Variants in ARMC8 observed in about 807,000 individuals in gnomAD.
The protein encoded by ARMC8 is armadillo repeat containing 8.
In ARMC8, 20 loss-of-function variants were observed where a neutral mutation model predicts 99.3. The observed-to-expected ratio is 0.20, with a 90% confidence interval of 0.14 to 0.29. The LOEUF is 0.29. Among genes scored for constraint, ARMC8 ranks in the 10% least tolerant of loss-of-function variants. The pLI, the probability that ARMC8 is intolerant of heterozygous loss-of-function variation, is 1.00. For synonymous variants in ARMC8, 263 were observed against 278.3 expected, an observed-to-expected ratio of 0.95 and a Z score of 0.55; for missense variants, 569 against 809.5, an observed-to-expected ratio of 0.70 and a Z score of 3.60.
Position 138,207,056 on chromosome 3 carries a change from GTTC to G in ARMC8, c.46-2758_46-2756del, listed in dbSNP as rs1382297341. ...ATCCTGCGGTGCCTCTCTATCCTCTGTTCTTTTCAGTGCCAGCAACTAGTATAC... is the reference window on the plus strand; with the variant it reads ...ATCCTGCGGTGCCTCTCTATCCTCTGTTTTCAGTGCCAGCAACTAGTATAC... On this transcript the variant is annotated intron_variant, in intron 1 of 21. Coordinates refer to ENST00000469044, the MANE Select transcript of ARMC8 (RefSeq NM_001363941.2). Among the ~76,000 whole-genome samples, 3 of 152,278 alleles carry G rather than the reference GTTC, an allele frequency of 2.0e-5. No individual in the cohort carries two copies. In the East Asian group the frequency reaches 5.8e-4, roughly 29 times the overall value.
intron 1 of ARMC8, among the ~76,000 whole-genome samples, chr3:138,192,684 G>A (rs914366496): frequency 2.0e-5 from 3 of 152,098 alleles, no homozygotes; most frequent in African/African-American, 7.2e-5. Context: ...CCAAGTAGCT[G>A]GGACTACAGG....
intron 6 of ARMC8, 24 bp downstream of exon 6, chr3:138,229,034 C>G: frequency 3.9e-6 from 6 of 1,546,550 alleles, no homozygotes; most frequent in Non-Finnish European, 5.3e-6. Flanking sequence ...TAAATGTTAT[C>G]TATAATGTAA....
rs554313750 is a variant in ARMC8 at position 138,292,220 on chromosome 3, A to G, written c.1988+1581A>G. On this transcript the variant is annotated intron_variant, in intron 21 of 21. Transcript: ENST00000469044. Reference sequence around the variant, plus strand: ...GCCCAGCTAATTTTTTTGTATTTTTAGTAGAGACAGGGTTTTACCATGTTG... The same window carrying G: ...GCCCAGCTAATTTTTTTGTATTTTTGGTAGAGACAGGGTTTTACCATGTTG... Among the ~76,000 whole-genome samples, 65 of 152,202 alleles carry G rather than the reference A, an allele frequency of 4.3e-4. 1 individual carries two copies. Among genetic ancestry groups the G allele is most frequent in the African/African-American group, 1.3e-3 (55 of 41,528 alleles).
At chr3:138,235,568 C>CT (rs2046288312) in intron 7 of ARMC8, among the ~76,000 whole-genome samples, 1 of 152,162 alleles carries the variant, frequency 6.6e-6, no homozygotes. Context: ...CCAGACTTAA[C>CT]TAATTACGTT....
At chr3:138,267,372 A>G (rs2048373251) in intron 15 of ARMC8, 131 bp downstream of exon 15, 1 of 561,270 alleles carries the variant, frequency 1.8e-6, no homozygotes, top group Non-Finnish European at 3.1e-6. Context: ...TTGATTGCAT[A>G]GCGGTAGGGG....
At position 138,290,600 on chromosome 3, in the gene ARMC8, A is replaced by G; in HGVS notation, c.1949A>G (p.His650Arg). Residue 650 changes from histidine (H) to arginine (R), a missense_variant, in exon 21 of 22, where the codon CAC becomes CGC. Physicochemically the swap from His to Arg is conservative, Grantham distance 29. Around this residue, in one of 2 missense-constraint regions of ARMC8, gnomAD observed 227 missense variants for 417.9 expected, o/e 0.54. Transcript: ENST00000469044. ...LRDMGIVDIL[H>R]KLSQSPDSNL... ...GACATGGGCATCGTAGATATTCTAC[A>G]CAAACTGAGTCAGTCACCAGATTCA... 1 of 1,607,606 alleles carries G rather than the reference A, an allele frequency of 6.2e-7. No individual in the cohort carries two copies. Among genetic ancestry groups the G allele is most frequent in the East Asian group, 2.2e-5 (1 of 44,760 alleles).
At chr3:138,242,165 A>G (rs2046656914) in intron 11 of ARMC8, among the ~76,000 whole-genome samples, 182 bp downstream of exon 11, 1 of 152,152 alleles carries the variant, frequency 6.6e-6, no homozygotes, top group African/African-American at 2.4e-5. Context: ...TTTAATGTTT[A>G]TTGTCAGAAA....
chr3:138,255,191 GTTTT>G lies in ARMC8; in HGVS notation c.1135-8537_1135-8534del, dbSNP rs1285732985. 5.4e-3 allele frequency among the ~76,000 whole-genome samples: 684 copies of G among 125,886 alleles called. 3 individuals carry two copies. Among genetic ancestry groups the G allele is most frequent in the Non-Finnish European group, 9.6e-3 (564 of 58,628 alleles). 82.6% of individuals were successfully genotyped at this position (125,886 alleles called of 152,430 possible). ...TGCCTCCCAAACATTGTTCTGTTCTGTTTTTTTTTTTTTTGTTTTTTTTTTTTTT... is the reference window on the plus strand; with the variant it reads ...TGCCTCCCAAACATTGTTCTGTTCTGTTTTTTTTTTGTTTTTTTTTTTTTT... On this transcript the variant is annotated intron_variant, in intron 12 of 21. Coordinates refer to ENST00000469044, the MANE Select transcript of ARMC8 (RefSeq NM_001363941.2).
intron 12 of ARMC8, 109 bp from the exon 13 acceptor site, chr3:138,263,630 C>A (rs961158751): frequency 4.9e-6 from 5 of 1,030,922 alleles, no homozygotes; most frequent in African/African-American, 3.1e-5. Flanking sequence ...AAAACTCTTG[C>A]CAAAAACAAC....
chr3:138,232,816 C>T (rs1344412915), intron 6 of ARMC8, among the ~76,000 whole-genome samples: 1 of 152,104 alleles, frequency 6.6e-6, no homozygotes, highest in Non-Finnish European at 1.5e-5. Flanking sequence ...TATTAGGTCA[C>T]CTTAAGGCAG....
intron 12 of ARMC8, among the ~76,000 whole-genome samples, chr3:138,263,132 A>G (rs1015093461): frequency 3.3e-5 from 5 of 152,250 alleles, no homozygotes; most frequent in Admixed American, 6.5e-5. Context: ...TTCACACACT[A>G]TTTATTTTGT....
intron 12 of ARMC8, among the ~76,000 whole-genome samples, chr3:138,260,901 TATCC>T (rs1470387362): frequency 1.3e-5 from 2 of 152,238 alleles, no homozygotes; most frequent in Admixed American, 6.5e-5. Context: ...GATGTAACTA[TATCC>T]AGTACAGGCA....
chr3:138,262,563 A>G (rs1239096085), intron 12 of ARMC8: 10 of 1,612,418 alleles, frequency 6.2e-6, no homozygotes, highest in African/African-American at 2.7e-5. Context: ...GTGATCTTCA[A>G]CCTTGGCTGT....
chr3:138,277,677 G>A (rs534767226), intron 18 of ARMC8, among the ~76,000 whole-genome samples: 1 of 152,304 alleles, frequency 6.6e-6, no homozygotes, highest in Non-Finnish European at 1.5e-5. Context: ...AGGATGCAGA[G>A]CATCTAGTGG....
chr3:138,225,349 T>A (rs893563532), intron 5 of ARMC8, among the ~76,000 whole-genome samples: 1 of 152,184 alleles, frequency 6.6e-6, no homozygotes, highest in Non-Finnish European at 1.5e-5. Context: ...GACCTCATGA[T>A]CTGCCCGCCT....
At chr3:138,290,078 G>T (rs974954805) in intron 20 of ARMC8, among the ~76,000 whole-genome samples, 3 of 152,210 alleles carry the variant, frequency 2.0e-5, no homozygotes, top group African/African-American at 7.2e-5. Flanking sequence ...AATTGGAAGT[G>T]CCAGCTGTGC....
At position 138,295,904 on chromosome 3, in the gene ARMC8, CT is replaced by C. The variant is rs1409983142; in HGVS notation, c.*13del. ...AGTACCTGGCATGATGGGAGTGCCC[CT>C]GGGCACCTGCGAGCATCCCACCTCC... On this transcript the variant is annotated 3_prime_UTR_variant, in exon 22 of 22. Transcript: ENST00000469044. 1 of 1,612,990 alleles carries C rather than the reference CT, an allele frequency of 6.2e-7. No homozygotes were observed. The highest frequency in any genetic ancestry group is 1.7e-5 in the Admixed American group (1 of 59,868).
chr3:138,187,714 C>A (rs1219430599), intron 1 of ARMC8, 115 bp downstream of exon 1: 2 of 1,183,502 alleles, frequency 1.7e-6, no homozygotes, highest in African/African-American at 1.5e-5. Flanking sequence ...TGGACCCCGG[C>A]TCAGTCTCGG....
At position 138,199,614 on chromosome 3, in the gene ARMC8, T is replaced by G. The variant is rs558051412; in HGVS notation, c.46-10203T>G. ...ATCACCAGAACTCTTCAGGCAGCAGTTAGGCAGTTGTATTTAATATTGTTT... is the reference window on the plus strand; with the variant it reads ...ATCACCAGAACTCTTCAGGCAGCAGGTAGGCAGTTGTATTTAATATTGTTT... On this transcript the variant is annotated intron_variant, in intron 1 of 21. Coordinates refer to ENST00000469044, the MANE Select transcript of ARMC8 (RefSeq NM_001363941.2). Among the ~76,000 whole-genome samples, 207 of 152,288 alleles carry G rather than the reference T, an allele frequency of 1.4e-3. 1 individual carries two copies. The highest frequency in any genetic ancestry group is 2.2e-3 in the Non-Finnish European group (152 of 68,016).
Sources: gnomAD v4.1 joint callset for allele counts (sites outside exome capture counted in the v4.1 genomes callset) on GRCh38, gnomAD v4.1.1 for gene constraint, gnomAD v4.1.1 regional missense constraint, MANE v1.5 for transcripts, NCBI Gene and HGNC (gene_info 2026-07-23, HGNC 2026-07-21) for gene names.